The following TMEFF1 variants were observed in gnomAD, a reference collection of about 807,000 sequenced individuals.
TMEFF1 encodes the protein transmembrane protein with EGF like and two follistatin like domains 1, also known as tomoregulin-1.
Under a neutral mutation model 47.5 loss-of-function variants are expected in TMEFF1, and 20 were observed. The observed-to-expected ratio is 0.42, with a 90% CI of 0.30 to 0.61. The LOEUF is 0.61. Ranked by LOEUF, TMEFF1 falls within the 20% of genes least tolerant of loss-of-function variation. The probability of loss-of-function intolerance (pLI) is 0.19; values close to 1 mark genes in which losing one functional copy is unlikely to be tolerated. For synonymous variants in TMEFF1, 162 were observed against 166.3 expected, an observed-to-expected ratio of 0.97 and a Z score of 0.20; for missense variants, 411 against 471.1, an observed-to-expected ratio of 0.87 and a Z score of 1.18.
chr9:100,543,174 C>G (rs529913587), intron 5 of TMEFF1, among the ~76,000 whole-genome samples: 1 of 152,104 alleles, frequency 6.6e-6, no homozygotes, highest in Non-Finnish European at 1.5e-5. Context: ...GTGATTCGCC[C>G]ACCTTGGCCT....
At chr9:100,512,788 G>T (rs1279926146) in intron 3 of TMEFF1, among the ~76,000 whole-genome samples, 2 of 152,066 alleles carry the variant, frequency 1.3e-5, no homozygotes, top group African/African-American at 2.4e-5. Context: ...AAAACCTCAA[G>T]CCTTTGGTTC....
intron 1 of TMEFF1, among the ~76,000 whole-genome samples, chr9:100,491,092 T>C (rs1837544847): frequency 6.6e-6 from 1 of 152,182 alleles, no homozygotes; most frequent in African/African-American, 2.4e-5. Context: ...TTCCATATTC[T>C]ATAATATACA....
intron 5 of TMEFF1, among the ~76,000 whole-genome samples, chr9:100,524,319 A>C (rs1485120864): frequency 6.6e-6 from 1 of 152,230 alleles, no homozygotes; most frequent in Non-Finnish European, 1.5e-5. Context: ...TACAAAATAG[A>C]ATACTGCTAT....
rs1210163164 is a variant in TMEFF1 at position 100,536,740 on chromosome 9, A to G, written c.561-11004A>G. On this transcript the variant is annotated intron_variant, in intron 5 of 9. Transcript: ENST00000374879. The stretch of plus-strand genomic sequence containing the variant: ...GGTACCAGGGCTGAGCCTTAACTGT[A>G]ATGTATATGAATCTAAGCAAGATAA... Among the ~76,000 whole-genome samples the G allele has an allele frequency of 2.0e-5, 3 of 152,138 alleles. No homozygotes were observed. The East Asian group carries it at 5.8e-4, about 29-fold the overall frequency.
At chr9:100,548,283 A>G (rs1838774031) in intron 6 of TMEFF1, among the ~76,000 whole-genome samples, 1 of 152,174 alleles carries the variant, frequency 6.6e-6, no homozygotes, top group African/African-American at 2.4e-5. Flanking sequence ...TTTATAGAGC[A>G]TAATAGTTTA....
intron 5 of TMEFF1, among the ~76,000 whole-genome samples, chr9:100,527,032 A>C (rs987518658): frequency 2.0e-5 from 3 of 150,340 alleles, no homozygotes; most frequent in South Asian, 2.1e-4. Context: ...AATTCCAGCT[A>C]CTCTGGAGGC....
chr9:100,480,330 G>A lies in TMEFF1; in HGVS notation c.196+6590G>A, dbSNP rs567595671. Among the ~76,000 whole-genome samples the A allele has an allele frequency of 4.6e-5, 7 of 152,252 alleles. No individual in the cohort carries two copies. The South Asian group carries it at 1.2e-3, about 27-fold the overall frequency. On this transcript the variant is annotated intron_variant, in intron 1 of 9. Coordinates refer to ENST00000374879, the MANE Select transcript of TMEFF1 (RefSeq NM_003692.5). Reference sequence around the variant, plus strand: ...GTCATTTGATTTTTCTGCTTACTAAGCAAGAGTCAGTTGTATTTGTTTTCA... The same window carrying A: ...GTCATTTGATTTTTCTGCTTACTAAACAAGAGTCAGTTGTATTTGTTTTCA...
intron 5 of TMEFF1, among the ~76,000 whole-genome samples, chr9:100,531,480 A>T (rs905700598): frequency 5.3e-5 from 8 of 152,290 alleles, no homozygotes; most frequent in Admixed American, 2.6e-4. Flanking sequence ...GTGAGCTCCC[A>T]TTCACAATTG....
At chr9:100,479,823 G>GT (rs1423256000) in intron 1 of TMEFF1, among the ~76,000 whole-genome samples, 1 of 152,154 alleles carries the variant, frequency 6.6e-6, no homozygotes, top group Non-Finnish European at 1.5e-5. Context: ...TAATGCTGCT[G>GT]TAACATTCAT....
chr9:100,474,862 G>A (rs973154384), intron 1 of TMEFF1, among the ~76,000 whole-genome samples: 1 of 152,130 alleles, frequency 6.6e-6, no homozygotes, highest in African/African-American at 2.4e-5. Flanking sequence ...GGGGAGGAGG[G>A]TCCCAGCAGT....
At chr9:100,508,744 G>A (rs369480709) in intron 2 of TMEFF1, among the ~76,000 whole-genome samples, 2 of 151,678 alleles carry the variant, frequency 1.3e-5, no homozygotes, top group South Asian at 4.2e-4. Context: ...TATTACCTTG[G>A]TGGTTTTTCA....
chr9:100,541,327 C>A (rs559080734), intron 5 of TMEFF1, among the ~76,000 whole-genome samples: 45 of 147,168 alleles, frequency 3.1e-4, no homozygotes, highest in Admixed American at 5.4e-4. Flanking sequence ...TAAACCCTAT[C>A]ATGGTGGATT....
At chr9:100,484,421 G>A (rs1837408351) in intron 1 of TMEFF1, among the ~76,000 whole-genome samples, 1 of 151,748 alleles carries the variant, frequency 6.6e-6, no homozygotes, top group South Asian at 2.1e-4. Context: ...GGGTTCAAGC[G>A]ATTCTCCCTG....
At chr9:100,515,235 G>A (rs779859045) in intron 4 of TMEFF1, among the ~76,000 whole-genome samples, 1 of 152,020 alleles carries the variant, frequency 6.6e-6, no homozygotes, top group Non-Finnish European at 1.5e-5. Flanking sequence ...GAGTTAGAAG[G>A]GCTAAGTGGT....
chr9:100,538,594 CAT>C (rs1475968707), intron 5 of TMEFF1, among the ~76,000 whole-genome samples: 15 of 152,202 alleles, frequency 9.9e-5, no homozygotes, highest in African/African-American at 3.4e-4. Flanking sequence ...TATTTTATCA[CAT>C]ATGATAGGTC....
chr9:100,574,639 A>G (rs1376047825), intron 9 of TMEFF1, among the ~76,000 whole-genome samples: 4 of 152,146 alleles, frequency 2.6e-5, no homozygotes, highest in Non-Finnish European at 2.9e-5. Flanking sequence ...GGTCTCGCAA[A>G]GTGCTGGGAT....
intron 8 of TMEFF1, among the ~76,000 whole-genome samples, chr9:100,567,858 A>C (rs1839153387): frequency 6.6e-6 from 1 of 152,220 alleles, no homozygotes; most frequent in Admixed American, 6.5e-5. Flanking sequence ...TTACAGTTCC[A>C]CGTGGCTGGG....
chr9:100,526,459 GT>G (rs528331354), intron 5 of TMEFF1, among the ~76,000 whole-genome samples: 1 of 151,488 alleles, frequency 6.6e-6, no homozygotes, highest in Non-Finnish European at 1.5e-5. Flanking sequence ...TCTGTTTTAA[GT>G]TTTTTTTGCT....
At chr9:100,485,837 A>G (rs562366744) in intron 1 of TMEFF1, among the ~76,000 whole-genome samples, 8 of 152,298 alleles carry the variant, frequency 5.3e-5, no homozygotes, top group African/African-American at 1.9e-4. Flanking sequence ...TTAGTTTATT[A>G]GGTAACTTAA....
Sources: allele counts gnomAD v4.1 joint callset (sites outside exome capture counted in the v4.1 genomes callset), GRCh38; gene constraint gnomAD v4.1.1; transcripts MANE v1.5; gene names NCBI Gene and HGNC (gene_info 2026-07-23, HGNC 2026-07-21).